LRP4: variants seen among roughly 807,000 people sequenced by gnomAD.
The protein encoded by LRP4 is low-density lipoprotein receptor-related protein 4.
Under a neutral mutation model 220.3 loss-of-function variants are expected in LRP4, and 95 were observed. The observed-to-expected ratio is 0.43, with a 90% CI of 0.37 to 0.51. The LOEUF (loss-of-function observed/expected upper bound fraction) is 0.51, where lower values mean the gene tolerates loss of function less well. Among genes scored for constraint, LRP4 ranks in the 20% least tolerant of loss-of-function variants. The probability of loss-of-function intolerance (pLI) is 0.00; values close to 1 mark genes in which losing one functional copy is unlikely to be tolerated. For synonymous variants in LRP4, 903 were observed against 954.6 expected, an observed-to-expected ratio of 0.95 and a Z score of 1.00; for missense variants, 1,925 against 2,567.0, an observed-to-expected ratio of 0.75 and a Z score of 5.40.
chr11:46,907,774 T>G (rs1436843173), intron 1 of LRP4, among the ~76,000 whole-genome samples: 1 of 152,188 alleles, frequency 6.6e-6, no homozygotes, highest in East Asian at 1.9e-4. Flanking sequence ...TACCACAAAT[T>G]CCGCAATTTT....
chr11:46,889,670 G>C (rs1941378125), intron 15 of LRP4, 137 bp from the exon 16 acceptor site: 3 of 1,192,196 alleles, frequency 2.5e-6, no homozygotes, highest in African/African-American at 3.0e-5. Flanking sequence ...ATCTGCCCCT[G>C]CTGCTAGCAC....
In LRP4 at chr11:46,868,702, A is replaced by C. The variant is rs777534564; in HGVS notation, c.4849T>G (p.Cys1617Gly). 1 of 1,613,054 alleles carries C rather than the reference A, an allele frequency of 6.2e-7. No individual in the cohort carries two copies. The highest frequency in any genetic ancestry group is 1.1e-5 in the South Asian group (1 of 91,066). The change falls in exon 33 of 38, where the codon TGT becomes GGT. Residue 1617 changes from cysteine (C) to glycine (G), a missense_variant. Physicochemically the swap from Cys to Gly is radical, Grantham distance 159. Around this residue, in one of 3 missense-constraint regions of LRP4, gnomAD observed 1,244 missense variants for 1,624.9 expected, o/e 0.77. Transcript: ENST00000378623. ...SPQRQTGTNA[C>G]GVNNGGCTHL... ...GTGCAGCCACCATTGTTCACACCAC[A>C]GGCATTGGTCCCTGGAGGCAAAGTA...
intron 12 of LRP4, among the ~76,000 whole-genome samples, chr11:46,893,907 T>C (rs868019371): frequency 5.1e-4 from 78 of 151,634 alleles, no homozygotes; most frequent in African/African-American, 1.8e-3. Flanking sequence ...AACTATTTTT[T>C]TTTTTTTTTT....
chr11:46,906,291 A>G (rs1336405895), intron 1 of LRP4, among the ~76,000 whole-genome samples: 1 of 152,144 alleles, frequency 6.6e-6, no homozygotes, highest in Non-Finnish European at 1.5e-5. Context: ...ACCTGTCTCT[A>G]CTAAAAATAC....
intron 13 of LRP4, among the ~76,000 whole-genome samples, chr11:46,891,836 G>C (rs1783220412): frequency 6.6e-6 from 1 of 152,040 alleles, no homozygotes; most frequent in African/African-American, 2.4e-5. Flanking sequence ...AGCTGGTCTT[G>C]AACTCCTGGG....
chr11:46,889,768 T>C (rs932165482), intron 15 of LRP4, 176 bp downstream of exon 15: 32 of 855,582 alleles, frequency 3.7e-5, no homozygotes, highest in Non-Finnish European at 5.2e-5. Context: ...TTTTCGTGAA[T>C]CTTGTTGTAC....
intron 34 of LRP4, among the ~76,000 whole-genome samples, chr11:46,866,003 A>G (rs919510728): frequency 9.2e-5 from 14 of 152,160 alleles, no homozygotes; most frequent in African/African-American, 3.4e-4. Context: ...AAATCTTGTA[A>G]CTTTAGGGAC....
chr11:46,895,278 A>G lies in LRP4; in HGVS notation c.1197T>C (p.Cys399=). 1 of 1,613,288 alleles carries G rather than the reference A, an allele frequency of 6.2e-7. No individual in the cohort carries two copies. The highest frequency in any genetic ancestry group is 8.5e-7 in the Non-Finnish European group (1 of 1,180,016). The change falls in exon 11 of 38, where the codon TGT becomes TGC. Residue 399 remains cysteine (C), a synonymous_variant. Coordinates refer to ENST00000378623, the MANE Select transcript of LRP4 (RefSeq NM_002334.4). ...CCTGGCTGCAATACCCCTCCTCGGC[A>G]CATTCATTCACATCTGGGAACACCA... ...DGHTCQDVNE[C]AEEGYCSQGC... is the part of the protein sequence containing the mutation.
In LRP4 at chr11:46,890,569, C is replaced by T. The variant is rs553316163; in HGVS notation, c.1698-75G>A. The T allele has an allele frequency of 1.7e-5, 18 of 1,029,662 alleles. No homozygotes were observed. In the African/African-American group the frequency reaches 2.4e-4, roughly 14 times the overall value. The allele number at this position is 1,029,662 out of a possible 1,614,324, so 63.8% of individuals were successfully genotyped here. A position where few individuals can be genotyped will look rare whatever the true frequency, so the allele number is the denominator to read the frequency against. On this transcript the variant is annotated intron_variant, in intron 13 of 37. Coordinates refer to ENST00000378623, the MANE Select transcript of LRP4 (RefSeq NM_002334.4). This position sits in a 1 kb window ranked among gnomAD's most constrained non-coding sequence, Gnocchi z 5.3. ...TAACCAGGAGAATAATCAGGTAGGG[C>T]GCTTTTATCCATTTAACTCAGGGGA...
chr11:46,918,400 C>T lies in LRP4; in HGVS notation c.-21G>A, dbSNP rs926287117. The T allele has an allele frequency of 2.9e-6, 4 of 1,399,890 alleles. No individual in the cohort carries two copies. Among genetic ancestry groups the T allele is most frequent in the Non-Finnish European group, 2.8e-6 (3 of 1,078,274 alleles). The allele number at this position is 1,399,890 out of a possible 1,614,324, so 86.7% of individuals were successfully genotyped here. On this transcript the variant is annotated 5_prime_UTR_variant, in exon 1 of 38. Coordinates refer to ENST00000378623, the MANE Select transcript of LRP4 (RefSeq NM_002334.4). This position sits in a 1 kb window ranked among gnomAD's most constrained non-coding sequence, Gnocchi z 6.0. Reference sequence around the variant, plus strand: ...CTCATGGTGCCGCCCGCGCCGCTCGCCCGGGGTCCCGCCGGCTCCCGCCGG... The same window carrying T: ...CTCATGGTGCCGCCCGCGCCGCTCGTCCGGGGTCCCGCCGGCTCCCGCCGG...
intron 20 of LRP4, among the ~76,000 whole-genome samples, chr11:46,881,029 GAC>G (rs1264783155): frequency 8.1e-6 from 1 of 123,920 alleles, no homozygotes; most frequent in African/African-American, 3.2e-5. Context: ...CAGCCTGGGT[GAC>G]ACAGCATGAC....
intron 34 of LRP4, among the ~76,000 whole-genome samples, chr11:46,867,365 G>A (rs147458092): frequency 6.6e-6 from 1 of 152,292 alleles, no homozygotes; most frequent in Non-Finnish European, 1.5e-5. Context: ...TGATGTGAGA[G>A]CAAATGTCAC....
At chr11:46,871,756 A>C (rs1940871404) in intron 30 of LRP4, 123 bp from the exon 31 acceptor site, 5 of 724,724 alleles carry the variant, frequency 6.9e-6, no homozygotes, top group Admixed American at 4.0e-5. Context: ...CTCAAGAAGC[A>C]CCCTCGATGA....
At chr11:46,888,548 CA>C (rs71042635) in intron 16 of LRP4, among the ~76,000 whole-genome samples, 25 of 31,312 alleles carry the variant, frequency 8.0e-4, no homozygotes, top group South Asian at 4.5e-3. Context: ...AAAACTGTCT[CA>C]AAAAAAAAAA....
chr11:46,900,495 C>G (rs1001046324), intron 2 of LRP4, 117 bp from the exon 3 acceptor site: 4 of 727,122 alleles, frequency 5.5e-6, no homozygotes, highest in Non-Finnish European at 9.9e-6. Context: ...TTTTTGAGAC[C>G]GAGTCTTACT....
chr11:46,903,809 T>G (rs74682139), intron 1 of LRP4, among the ~76,000 whole-genome samples: 3,050 of 152,230 alleles, frequency 0.02, 97 homozygotes, highest in African/African-American at 0.07. Context: ...GCAGAGTAAC[T>G]GGGACCTGCC....
In LRP4 at chr11:46,862,738, T is replaced by C; in HGVS notation, c.5253A>G (p.Lys1751=). 2 of 1,613,738 alleles carry C rather than the reference T, an allele frequency of 1.2e-6. No individual in the cohort carries two copies. The highest frequency in any genetic ancestry group is 1.1e-5 in the South Asian group (1 of 91,040). ...CCATTCCAGGATCAGTGAACTTGGA[T>C]TTTTTGTGTCTTTAGGAGGGAAGGT... is the stretch of plus-strand genomic sequence containing the variant. The part of the protein sequence containing the change: ...IAALMLYRHK[K]SKFTDPGMGN... Residue 1751 remains lysine (K), a synonymous_variant, in exon 37 of 38, where the codon AAA becomes AAG. Transcript: ENST00000378623.
At chr11:46,892,569 CTTTTT>C (rs11292441) in intron 13 of LRP4, among the ~76,000 whole-genome samples, 2 of 123,692 alleles carry the variant, frequency 1.6e-5, no homozygotes. Context: ...TAACATCATA[CTTTTT>C]TTTTTTTTTT....
intron 1 of LRP4, among the ~76,000 whole-genome samples, chr11:46,913,599 G>T (rs917338083): frequency 6.6e-6 from 1 of 152,138 alleles, no homozygotes; most frequent in Non-Finnish European, 1.5e-5. Context: ...TCTGGAGCCT[G>T]ACTCCTTTCT....
Sources: gnomAD v4.1 joint callset for allele counts (sites outside exome capture counted in the v4.1 genomes callset) on GRCh38, gnomAD v4.1.1 for gene constraint, gnomAD v4.1.1 regional missense constraint, Gnocchi (gnomAD v3.1) non-coding constraint, MANE v1.5 for transcripts, NCBI Gene and HGNC (gene_info 2026-07-23, HGNC 2026-07-21) for gene names.